The following RMDN2 variants were observed in gnomAD, a reference collection of about 807,000 sequenced individuals.
RMDN2 encodes regulator of microtubule dynamics protein 2.
Under a neutral mutation model 52.8 loss-of-function variants are expected in RMDN2, and 61 were observed. That is an observed-to-expected ratio of 1.16 (90% CI 0.94 to 1.43). The LOEUF is 1.43. RMDN2 is among the 40% of genes most tolerant of loss of function. RMDN2 has a pLI of 0.00. For synonymous variants in RMDN2, 180 were observed against 153.1 expected, an observed-to-expected ratio of 1.18 and a Z score of -1.30; for missense variants, 592 against 475.3, an observed-to-expected ratio of 1.25 and a Z score of -2.28.
At chr2:37,987,210 A>G (rs1452193173) in intron 5 of RMDN2, among the ~76,000 whole-genome samples, 4 of 152,112 alleles carry the variant, frequency 2.6e-5, no homozygotes, top group Non-Finnish European at 5.9e-5. Flanking sequence ...ACATAACACT[A>G]TTTACATTAG....
chr2:38,011,627 A>G (rs1678014695), intron 10 of RMDN2, among the ~76,000 whole-genome samples: 3 of 152,186 alleles, frequency 2.0e-5, no homozygotes, highest in Non-Finnish European at 4.4e-5. Flanking sequence ...CCAAATAACT[A>G]TAGCTCGAAG....
At chr2:38,050,568 G>C (rs765665932) in intron 10 of RMDN2, among the ~76,000 whole-genome samples, 5 of 152,174 alleles carry the variant, frequency 3.3e-5, no homozygotes, top group African/African-American at 7.2e-5. Context: ...GGTCAGAAAA[G>C]CTGACCTAGA....
intron 10 of RMDN2, among the ~76,000 whole-genome samples, chr2:38,010,229 C>A (rs918604011): frequency 2.0e-5 from 3 of 152,222 alleles, no homozygotes. Flanking sequence ...CCACTACTCT[C>A]TTCAGTGCTG....
At chr2:38,046,932 G>A (rs1479793591) in intron 10 of RMDN2, among the ~76,000 whole-genome samples, 2 of 151,920 alleles carry the variant, frequency 1.3e-5, no homozygotes, top group African/African-American at 4.8e-5. Flanking sequence ...GCAGAGAGCC[G>A]AGATTGCGCC....
At chr2:37,955,914 T>G (rs1669395670) in intron 2 of RMDN2, among the ~76,000 whole-genome samples, 1 of 152,174 alleles carries the variant, frequency 6.6e-6, no homozygotes, top group South Asian at 2.1e-4. Flanking sequence ...CTGGTTGTGA[T>G]GTATAATCCT....
chr2:37,925,324 T>C lies in RMDN2; in HGVS notation c.-118T>C, dbSNP rs894580262. ...ACGCGACGGCCGCGGCGCGGGACCTTAGGACCCGCGGGCTCCAGGGCTACT... is the reference window on the plus strand; with the variant it reads ...ACGCGACGGCCGCGGCGCGGGACCTCAGGACCCGCGGGCTCCAGGGCTACT... On this transcript the variant is annotated 5_prime_UTR_variant, in exon 1 of 11. Transcript: ENST00000354545. 1 of 152,134 alleles carries C rather than the reference T, an allele frequency of 6.6e-6. No individual in the cohort carries two copies. Among genetic ancestry groups the C allele is most frequent in the Non-Finnish European group, 1.5e-5 (1 of 68,030 alleles). The allele number at this position is 152,134 out of a possible 1,614,324, so 9.4% of individuals were successfully genotyped here. A position where few individuals can be genotyped will look rare whatever the true frequency, so the allele number is the denominator to read the frequency against.
intron 7 of RMDN2, 35 bp downstream of exon 7, chr2:37,991,332 G>T: frequency 9.4e-7 from 1 of 1,061,806 alleles, no homozygotes; most frequent in Non-Finnish European, 1.3e-6. Flanking sequence ...AACTTTATTT[G>T]AATATACTAT....
chr2:37,951,012 G>A (rs1350496895), intron 2 of RMDN2, among the ~76,000 whole-genome samples: 1 of 151,998 alleles, frequency 6.6e-6, no homozygotes, highest in East Asian at 1.9e-4. Flanking sequence ...TACTGTGTAG[G>A]TAGAGATAAC....
At chr2:38,056,871 C>T (rs1681872360) in intron 10 of RMDN2, among the ~76,000 whole-genome samples, 1 of 152,104 alleles carries the variant, frequency 6.6e-6, no homozygotes, top group African/African-American at 2.4e-5. Context: ...TGATTTTTTC[C>T]TTCCATTTAA....
chr2:38,018,874 G>A (rs1352329778), downstream of RMDN2, among the ~76,000 whole-genome samples: 1 of 152,136 alleles, frequency 6.6e-6, no homozygotes, highest in African/African-American at 2.4e-5. Flanking sequence ...ATACATGGGT[G>A]CACATGCACG....
rs147445941 is a variant in RMDN2 at position 37,951,169 on chromosome 2, G to C, written c.452+21440G>C. 4.0e-4 allele frequency: 583 copies of C among 1,446,954 alleles called. 2 individuals are homozygous for C. Among genetic ancestry groups the C allele is most frequent in the Non-Finnish European group, 4.9e-4 (530 of 1,089,350 alleles). 89.6% of individuals were successfully genotyped at this position (1,446,954 alleles called of 1,614,324 possible). A position where few individuals can be genotyped will look rare whatever the true frequency, so the allele number is the denominator to read the frequency against. ...AAAGGTGGATATTATTCTTCAGGAGGCTTGGCAGGTCTCCACTCTGCTCCC... is the reference window on the plus strand; with the variant it reads ...AAAGGTGGATATTATTCTTCAGGAGCCTTGGCAGGTCTCCACTCTGCTCCC... On this transcript the variant is annotated intron_variant, in intron 2 of 10. Coordinates refer to ENST00000354545, the MANE Select transcript of RMDN2 (RefSeq NM_001170791.3).
upstream of RMDN2, among the ~76,000 whole-genome samples, chr2:37,923,958 C>A (rs1666107385): frequency 6.6e-6 from 1 of 152,188 alleles, no homozygotes; most frequent in Admixed American, 6.5e-5. Flanking sequence ...TCATATTGGC[C>A]AGGCTGGTCA....
At chr2:37,947,664 ATGAAT>A (rs1370390763) in intron 2 of RMDN2, among the ~76,000 whole-genome samples, 2 of 152,244 alleles carry the variant, frequency 1.3e-5, no homozygotes, top group Non-Finnish European at 2.9e-5. Flanking sequence ...AATTAATGTA[ATGAAT>A]TGAATAGTTT....
rs534993291 is a variant in RMDN2 at position 37,997,700 on chromosome 2, A to G, written c.1044+186A>G. 2.7e-4 allele frequency: 151 copies of G among 556,718 alleles called. 1 individual carries two copies. In the South Asian group the frequency reaches 3.3e-3, roughly 12 times the overall value. 34.5% of individuals were successfully genotyped at this position (556,718 alleles called of 1,614,324 possible). A position where few individuals can be genotyped will look rare whatever the true frequency, so the allele number is the denominator to read the frequency against. On this transcript the variant is annotated intron_variant, in intron 8 of 10. Transcript: ENST00000354545. ...ATGTTTTAAGTCTAAACTCCTTAGAACAACTAGTTATGCCCTAGGTTCTAG... is the reference window on the plus strand; with the variant it reads ...ATGTTTTAAGTCTAAACTCCTTAGAGCAACTAGTTATGCCCTAGGTTCTAG...
intron 2 of RMDN2, chr2:37,952,047 C>G (rs1216875193): frequency 6.2e-7 from 1 of 1,613,442 alleles, no homozygotes; most frequent in African/African-American, 1.3e-5. Flanking sequence ...TTTCCCATTC[C>G]TCCATAAAGC....
At chr2:38,022,608 A>G (rs1454349882), downstream of RMDN2, among the ~76,000 whole-genome samples, 1 of 152,240 alleles carries the variant, frequency 6.6e-6, no homozygotes, top group African/African-American at 2.4e-5. Flanking sequence ...GCAATTTCTC[A>G]TAAAACATTA....
At chr2:38,051,768 C>T (rs1681615724) in intron 10 of RMDN2, among the ~76,000 whole-genome samples, 1 of 152,174 alleles carries the variant, frequency 6.6e-6, no homozygotes, top group African/African-American at 2.4e-5. Context: ...TGAATGAAGA[C>T]ATGAGATATT....
At chr2:37,983,104 G>C (rs890497516) in intron 5 of RMDN2, among the ~76,000 whole-genome samples, 1 of 150,018 alleles carries the variant, frequency 6.7e-6, no homozygotes, top group African/African-American at 2.5e-5. Context: ...TCTCTCCCTC[G>C]TCTATTGCTC....
downstream of RMDN2, among the ~76,000 whole-genome samples, chr2:38,019,104 A>G (rs1356499907): frequency 6.6e-6 from 1 of 152,232 alleles, no homozygotes; most frequent in Non-Finnish European, 1.5e-5. Context: ...TCTCGTGGAT[A>G]TGCTGAGAGG....
Sources: gnomAD v4.1 joint callset for allele counts (sites outside exome capture counted in the v4.1 genomes callset) on GRCh38, gnomAD v4.1.1 for gene constraint, MANE v1.5 for transcripts, NCBI Gene and HGNC (gene_info 2026-07-23, HGNC 2026-07-21) for gene names.